The following ADGRL2 variants were observed in gnomAD, a reference collection of about 807,000 sequenced individuals.
The protein encoded by ADGRL2 is adhesion G protein-coupled receptor L2, also known as calcium-independent alpha-latrotoxin receptor 2.
A neutral mutation model predicts 157.4 loss-of-function variants in ADGRL2; 44 were observed. That is an observed-to-expected ratio of 0.28 (90% confidence interval 0.22 to 0.36). The LOEUF is 0.36. ADGRL2 is among the 10% of genes least tolerant of loss of function. The probability of loss-of-function intolerance (pLI) is 1.00; values close to 1 mark genes in which losing one functional copy is unlikely to be tolerated. For synonymous variants in ADGRL2, 585 were observed against 624.7 expected, an observed-to-expected ratio of 0.94 and a Z score of 0.95; for missense variants, 1,510 against 1,768.9, an observed-to-expected ratio of 0.85 and a Z score of 2.63.
chr1:81,651,307 T>C (rs1412141993), intron 3 of ADGRL2, among the ~76,000 whole-genome samples: 2 of 152,208 alleles, frequency 1.3e-5, no homozygotes, highest in East Asian at 1.9e-4. Context: ...TCATCTCTAA[T>C]AGCATTTAAG....
At chr1:81,880,820 G>A (rs1368254321) in intron 2 of ADGRL2, among the ~76,000 whole-genome samples, 5 of 152,112 alleles carry the variant, frequency 3.3e-5, no homozygotes, top group African/African-American at 9.7e-5. Flanking sequence ...GACATTGGTG[G>A]GTTGGATGTT....
In ADGRL2 at chr1:81,992,418, C is replaced by T. The variant is rs565263051; in HGVS notation, c.*1273C>T. The T allele has an allele frequency of 6.6e-6, 1 of 152,440 alleles. No homozygotes were observed. The highest frequency in any genetic ancestry group is 2.1e-4 in the South Asian group (1 of 4,816). The allele number at this position is 152,440 out of a possible 1,614,324, so 9.4% of individuals were successfully genotyped here. A position where few individuals can be genotyped will look rare whatever the true frequency, so the allele number is the denominator to read the frequency against. On this transcript the variant is annotated 3_prime_UTR_variant, in exon 24 of 24. Transcript: ENST00000686636. ...GACAGTAAATAAATGTGAATTTTTT[C>T]AAGTAGTTAACATGTGAACTTTTAT...
intron 2 of ADGRL2, among the ~76,000 whole-genome samples, chr1:81,779,088 G>T (rs1196048175): frequency 6.6e-6 from 1 of 151,778 alleles, no homozygotes; most frequent in Non-Finnish European, 1.5e-5. Context: ...GACTTCATTT[G>T]TCACATATTT....
At chr1:81,335,834 T>TAAAAAA (rs11351612) in intron 1 of ADGRL2, among the ~76,000 whole-genome samples, 1 of 143,236 alleles carries the variant, frequency 7.0e-6, no homozygotes, top group Non-Finnish European at 1.5e-5. Flanking sequence ...ATATAGTGTT[T>TAAAAAA]AAAAAAAAAA....
intron 1 of ADGRL2, among the ~76,000 whole-genome samples, chr1:81,330,559 C>T (rs567395846): frequency 1.3e-5 from 2 of 152,260 alleles, no homozygotes; most frequent in East Asian, 1.9e-4. Context: ...ATTTGTATGT[C>T]CTTGGGTCAG....
At chr1:81,431,354 T>A (rs1005509091) in intron 1 of ADGRL2, among the ~76,000 whole-genome samples, 2 of 151,444 alleles carry the variant, frequency 1.3e-5, no homozygotes, top group African/African-American at 4.8e-5. Flanking sequence ...GAATGAAAAG[T>A]GATTCCGGAG....
chr1:81,622,717 C>T (rs1424189511), intron 3 of ADGRL2, among the ~76,000 whole-genome samples: 2 of 152,010 alleles, frequency 1.3e-5, no homozygotes, highest in African/African-American at 2.4e-5. Flanking sequence ...ATTGTGCCAC[C>T]GTACTCCAAC....
intron 2 of ADGRL2, among the ~76,000 whole-genome samples, chr1:81,887,854 C>G (rs966453399): frequency 6.6e-6 from 1 of 152,184 alleles, no homozygotes; most frequent in Admixed American, 6.5e-5. Flanking sequence ...GCATATCAAA[C>G]AAATGATTAG....
At chr1:81,821,790 TTAAAGC>T (rs1200564203) in intron 1 of ADGRL2, among the ~76,000 whole-genome samples, 1 of 152,140 alleles carries the variant, frequency 6.6e-6, no homozygotes, top group African/African-American at 2.4e-5. Context: ...AGTCTAATTA[TTAAAGC>T]ATGTTAAATT....
At chr1:81,782,166 C>G (rs1002777588) in intron 2 of ADGRL2, among the ~76,000 whole-genome samples, 3 of 152,158 alleles carry the variant, frequency 2.0e-5, no homozygotes, top group Admixed American at 6.5e-5. Context: ...CCTGCCAGTG[C>G]CTACCAGCCA....
At chr1:81,839,195 G>T (rs917050164) in intron 2 of ADGRL2, among the ~76,000 whole-genome samples, 2 of 151,872 alleles carry the variant, frequency 1.3e-5, no homozygotes, top group African/African-American at 4.8e-5. Flanking sequence ...ATCTTACACA[G>T]TTTAGTTCTT....
In ADGRL2 at chr1:81,907,099, G is replaced by T. The variant is rs769956127; in HGVS notation, c.156G>T (p.Pro52=). ...CEGYSIDLRC[P]GSDVIMIESA... ...GTTATTCTATAGATCTGCGATGCCCGGGCAGTGATGTCATCATGATTGAGA... is the reference window on the plus strand; with the variant it reads ...GTTATTCTATAGATCTGCGATGCCCTGGCAGTGATGTCATCATGATTGAGA... Residue 52 remains proline (P), a synonymous_variant, in exon 3 of 24, where the codon CCG becomes CCT. Transcript: ENST00000686636. 1 of 1,613,902 alleles carries T rather than the reference G, an allele frequency of 6.2e-7. No individual in the cohort carries two copies. Among genetic ancestry groups the T allele is most frequent in the Non-Finnish European group, 8.5e-7 (1 of 1,179,984 alleles).
chr1:81,943,511 G>T lies in ADGRL2; in HGVS notation c.952G>T (p.Ala318Ser). The stretch of plus-strand genomic sequence containing the variant: ...ATACGACAAACGTGCCGCATCAAAT[G>T]CTTTTATGATATGCGGAGTCCTCTA... ...TVYDKRAASN[A>S]FMICGVLYVV... The change falls in exon 6 of 24, where the codon GCT becomes TCT. Residue 318 changes from alanine to serine, a missense_variant. Physicochemically the swap from Ala to Ser is moderately conservative, Grantham distance 99 (BLOSUM62 1). This residue lies in a region of ADGRL2 where 361 missense variants were observed against 498.4 expected (regional missense o/e 0.72). Coordinates refer to ENST00000686636, the MANE Select transcript of ADGRL2 (RefSeq NM_001366006.2). The surrounding 1 kb of genome is among the most constrained non-coding windows in gnomAD (Gnocchi z 5.6). 2 of 1,613,776 alleles carry T rather than the reference G, an allele frequency of 1.2e-6. No individual in the cohort carries two copies. The highest frequency in any genetic ancestry group is 1.7e-6 in the Non-Finnish European group (2 of 1,179,780).
intron 3 of ADGRL2, among the ~76,000 whole-genome samples, chr1:81,638,682 T>C (rs2082159070): frequency 6.6e-6 from 1 of 152,102 alleles, no homozygotes; most frequent in African/African-American, 2.4e-5. Flanking sequence ...AAAACAAGTA[T>C]AACTGATATG....
intron 2 of ADGRL2, among the ~76,000 whole-genome samples, chr1:81,865,668 G>A (rs1364667941): frequency 6.6e-6 from 1 of 152,130 alleles, no homozygotes; most frequent in Non-Finnish European, 1.5e-5. Flanking sequence ...TTGCCCTGCA[G>A]ACAAGGAGAA....
Position 81,491,442 on chromosome 1 carries a change from CA to C in ADGRL2, c.-248+46362del, listed in dbSNP as rs145421591. Among the ~76,000 whole-genome samples the C allele has an allele frequency of 8.9e-4, 133 of 149,378 alleles. 1 individual carries two copies. The East Asian group carries it at 0.021, about 24-fold the overall frequency. ...TGATTTTGCTATATATACTCTGCTT[CA>C]AAAAAAAAGACTACTCAAGATTATA... On this transcript the variant is annotated intron_variant, in intron 2 of 24. Coordinates refer to the ADGRL2 transcript ENST00000370721.
At chr1:81,987,919 A>G (rs560840427) in intron 23 of ADGRL2, 33 bp downstream of exon 23, 51 of 327,206 alleles carry the variant, frequency 1.6e-4, no homozygotes, top group Non-Finnish European at 3.0e-4. Context: ...TGCCTATCAA[A>G]TGTAAATTTT....
chr1:81,306,858 TA>T (rs1173521013), intron 1 of ADGRL2, among the ~76,000 whole-genome samples: 2 of 142,316 alleles, frequency 1.4e-5, no homozygotes, highest in Non-Finnish European at 3.0e-5. Context: ...TAGCCAAGTG[TA>T]AAATTCAACC....
intron 2 of ADGRL2, chr1:81,505,867 A>T (rs918735594): frequency 5.8e-6 from 2 of 343,008 alleles, no homozygotes; most frequent in African/African-American, 4.3e-5. Flanking sequence ...TTAAAATGGG[A>T]TCAATGTCAT....
Sources: allele counts gnomAD v4.1 joint callset (sites outside exome capture counted in the v4.1 genomes callset), GRCh38; gene constraint gnomAD v4.1.1; regional missense constraint gnomAD v4.1.1; non-coding constraint Gnocchi (gnomAD v3.1); transcripts MANE v1.5; gene names NCBI Gene and HGNC (gene_info 2026-07-23, HGNC 2026-07-21).